CES5A: variants seen among roughly 807,000 people sequenced by gnomAD.
The protein encoded by CES5A is carboxylesterase 5.
Under a neutral mutation model 62.9 loss-of-function variants are expected in CES5A, and 67 were observed. The observed-to-expected ratio is 1.07, with a 90% CI of 0.88 to 1.31. The LOEUF is 1.31. Among genes scored for constraint, CES5A ranks in the 50% most tolerant of loss-of-function variants. The pLI is 0.00. For missense variants in CES5A, 748 were observed against 708.5 expected (o/e 1.06, Z -0.63); for synonymous variants, 296 against 280.8 (o/e 1.05, Z -0.54).
chr16:55,933,162 G>T (rs990959801), intron 2 of CES5A, among the ~76,000 whole-genome samples: 1 of 152,160 alleles, frequency 6.6e-6, no homozygotes, highest in African/African-American at 2.4e-5. Flanking sequence ...AAGGAGGCAC[G>T]TCATGGGTTC....
At chr16:55,930,261 C>T (rs757398251), upstream of CES5A, among the ~76,000 whole-genome samples, 4 of 151,982 alleles carry the variant, frequency 2.6e-5, no homozygotes, top group Non-Finnish European at 4.4e-5. Flanking sequence ...CCCCTAGGCT[C>T]TGCATATGCA....
chr16:55,899,764 C>T (rs1434548327), intron 1 of CES5A, among the ~76,000 whole-genome samples: 2 of 152,188 alleles, frequency 1.3e-5, no homozygotes, highest in Non-Finnish European at 2.9e-5. Flanking sequence ...CCAGGAATGC[C>T]ACCAAACATC....
intron 11 of CES5A, among the ~76,000 whole-genome samples, chr16:55,848,627 T>C (rs946666646): frequency 6.6e-6 from 1 of 152,240 alleles, no homozygotes. Context: ...TGTTTTCTTT[T>C]CCGTGAACTA....
chr16:55,917,969 C>T (rs2034164206), intron 1 of CES5A, among the ~76,000 whole-genome samples: 1 of 152,148 alleles, frequency 6.6e-6, no homozygotes, highest in African/African-American at 2.4e-5. Context: ...CTCTCAGAAT[C>T]CCCCTATTGC....
chr16:55,894,630 T>A (rs1200330753), intron 1 of CES5A, among the ~76,000 whole-genome samples: 2 of 151,964 alleles, frequency 1.3e-5, no homozygotes, highest in East Asian at 3.9e-4. Context: ...ACAGTAAATA[T>A]ACTAGCAAAA....
At chr16:55,846,737 T>C (rs374320719) in intron 12 of CES5A, 31 bp downstream of exon 12, 5 of 1,608,288 alleles carry the variant, frequency 3.1e-6, no homozygotes, top group Non-Finnish European at 4.3e-6. Context: ...CCCCAGGCCT[T>C]GGCATGGGGG....
At chr16:55,930,569 C>G (rs1483520702) in intron 2 of CES5A, among the ~76,000 whole-genome samples, 4 of 152,222 alleles carry the variant, frequency 2.6e-5, no homozygotes, top group East Asian at 1.9e-4. Context: ...AGAGTCCCCA[C>G]CAGCAAGAAG....
chr16:55,864,413 C>T (rs1333030096), intron 5 of CES5A, among the ~76,000 whole-genome samples: 4 of 152,214 alleles, frequency 2.6e-5, no homozygotes, highest in African/African-American at 9.6e-5. Context: ...CACCTCTGTA[C>T]ATTTCTCTTC....
chr16:55,883,012 TGTTCTA>T (rs566302254), intron 1 of CES5A, among the ~76,000 whole-genome samples: 70 of 152,288 alleles, frequency 4.6e-4, no homozygotes, highest in African/African-American at 1.3e-3. Flanking sequence ...AGATGCGAAT[TGTTCTA>T]GTTGGAATGG....
In CES5A at chr16:55,911,577, G is replaced by A. The variant is rs1597146759; in HGVS notation, c.-256+13746C>T. Among the ~76,000 whole-genome samples, 5 of 152,262 alleles carry A rather than the reference G, an allele frequency of 3.3e-5. No homozygotes were observed. The South Asian group carries it at 1.0e-3, about 32-fold the overall frequency. ...ACTGTTTGCAGATAAAGAGATGAAG[G>A]CACTGAGAATTTCAGTATCCTACCT... On this transcript the variant is annotated intron_variant, in intron 1 of 12. Transcript: ENST00000518005.
intron 1 of CES5A, among the ~76,000 whole-genome samples, chr16:55,881,135 G>A (rs545505386): frequency 5.3e-5 from 8 of 152,262 alleles, no homozygotes; most frequent in African/African-American, 1.9e-4. Flanking sequence ...CTCCTTACTA[G>A]GAGACACAAG....
chr16:55,855,042 C>T (rs2033212047), intron 9 of CES5A, among the ~76,000 whole-genome samples: 1 of 152,214 alleles, frequency 6.6e-6, no homozygotes, highest in Admixed American at 6.5e-5. Flanking sequence ...CTTCCATCAC[C>T]AGACAAGCTC....
intron 4 of CES5A, among the ~76,000 whole-genome samples, chr16:55,867,698 G>A (rs181434485): frequency 5.1e-4 from 77 of 152,154 alleles, no homozygotes; most frequent in Non-Finnish European, 8.7e-4. Context: ...TCTCAGCCTC[G>A]AGCACAGGAT....
chr16:55,953,611 A>T (rs1390445971), intron 1 of CES5A, among the ~76,000 whole-genome samples: 1 of 152,210 alleles, frequency 6.6e-6, no homozygotes, highest in African/African-American at 2.4e-5. Flanking sequence ...CAGAAGTGGT[A>T]TAAAGAGTTA....
intron 1 of CES5A, among the ~76,000 whole-genome samples, chr16:55,909,570 GCACACACA>G (rs34468527): frequency 2.1e-4 from 31 of 150,156 alleles, no homozygotes; most frequent in African/African-American, 6.8e-4. Context: ...GTGCGCACGT[GCACACACA>G]CACACACACA....
intron 8 of CES5A, 60 bp from the exon 9 acceptor site, chr16:55,856,505 C>T (rs1488783884): frequency 6.6e-6 from 10 of 1,513,172 alleles, no homozygotes; most frequent in Non-Finnish European, 7.3e-6. Context: ...AACCCATCTC[C>T]CCAAGGGCCT....
At chr16:55,901,352 A>C (rs1404165182) in intron 1 of CES5A, among the ~76,000 whole-genome samples, 2 of 152,178 alleles carry the variant, frequency 1.3e-5, no homozygotes, top group Non-Finnish European at 2.9e-5. Context: ...CTTCATTAGC[A>C]GTGTGAAAAC....
chr16:55,848,065 C>G (rs2033051689), intron 11 of CES5A, among the ~76,000 whole-genome samples: 1 of 152,000 alleles, frequency 6.6e-6, no homozygotes, highest in Non-Finnish European at 1.5e-5. Context: ...CATGAGCCAC[C>G]ACACCTGGCT....
intron 2 of CES5A, among the ~76,000 whole-genome samples, chr16:55,872,849 T>C (rs1219141648): frequency 1.3e-5 from 2 of 152,188 alleles, no homozygotes; most frequent in African/African-American, 4.8e-5. Flanking sequence ...CTGTTTACGT[T>C]CCTGCCACCA....
Sources: allele counts gnomAD v4.1 joint callset (sites outside exome capture counted in the v4.1 genomes callset), GRCh38; gene constraint gnomAD v4.1.1; transcripts MANE v1.5; gene names NCBI Gene and HGNC (gene_info 2026-07-23, HGNC 2026-07-21).